Variants in BANK1 observed in about 807,000 individuals in gnomAD.
BANK1 encodes the protein B cell scaffold protein with ankyrin repeats 1, also known as B-cell scaffold protein with ankyrin repeats.
A neutral mutation model predicts 94.5 loss-of-function variants in BANK1; 95 were observed. The observed-to-expected ratio is 1.00, with a 90% confidence interval of 0.85 to 1.19. BANK1 has a LOEUF of 1.19. Ranked by LOEUF, BANK1 falls within the 50% of genes most tolerant of loss-of-function variation. The pLI, the probability that BANK1 is intolerant of heterozygous loss-of-function variation, is 0.00. For synonymous variants in BANK1, 334 were observed against 308.4 expected (o/e 1.08, Z -0.87); for missense variants, 987 against 932.2 (o/e 1.06, Z -0.77).
At chr4:101,936,526 A>G (rs1430352804) in intron 7 of BANK1, among the ~76,000 whole-genome samples, 1 of 150,514 alleles carries the variant, frequency 6.6e-6, no homozygotes, top group East Asian at 2.0e-4. Context: ...TATACTAGAC[A>G]TATAAGATGA....
intron 15 of BANK1, 50 bp from the exon 16 acceptor site, chr4:102,073,634 A>C: frequency 6.5e-7 from 1 of 1,543,694 alleles, no homozygotes; most frequent in Non-Finnish European, 8.9e-7. Flanking sequence ...TCAACCTTAA[A>C]ATAGGGACAA....
intron 7 of BANK1, among the ~76,000 whole-genome samples, chr4:101,980,223 T>TA (rs953189635): frequency 2.6e-5 from 4 of 151,914 alleles, no homozygotes; most frequent in African/African-American, 9.6e-5. Context: ...CAAGAGACTC[T>TA]AAAGAATTCT....
At chr4:102,035,642 C>T (rs1234396021) in intron 10 of BANK1, among the ~76,000 whole-genome samples, 30 of 90,974 alleles carry the variant, frequency 3.3e-4, no homozygotes, top group Admixed American at 1.4e-3. Context: ...AGCGAGACTC[C>T]GTCTCAAAAA....
chr4:101,956,061 T>C (rs1452390681), intron 7 of BANK1, among the ~76,000 whole-genome samples: 6 of 152,220 alleles, frequency 3.9e-5, no homozygotes, highest in Non-Finnish European at 7.3e-5. Flanking sequence ...TATAGATTTT[T>C]TTAGAAAATG....
At chr4:101,825,370 A>G (rs892747470) in intron 1 of BANK1, among the ~76,000 whole-genome samples, 3 of 152,132 alleles carry the variant, frequency 2.0e-5, no homozygotes, top group Admixed American at 6.5e-5. Context: ...TTTATCAAGA[A>G]CTATTTTGGG....
At chr4:101,936,001 G>A (rs987622401) in intron 7 of BANK1, among the ~76,000 whole-genome samples, 9 of 151,286 alleles carry the variant, frequency 5.9e-5, no homozygotes, top group African/African-American at 2.2e-4. Flanking sequence ...ACATTGGTCA[G>A]GGCAAAGATT....
chr4:102,044,394 G>C (rs1560705808), intron 11 of BANK1, among the ~76,000 whole-genome samples: 1 of 152,184 alleles, frequency 6.6e-6, no homozygotes, highest in Non-Finnish European at 1.5e-5. Flanking sequence ...GTATTCCACT[G>C]TGTGTATGTG....
At chr4:102,031,817 T>G (rs575928887) in intron 10 of BANK1, among the ~76,000 whole-genome samples, 125 of 152,336 alleles carry the variant, frequency 8.2e-4, no homozygotes, top group African/African-American at 2.8e-3. Context: ...ATTCTGTTCC[T>G]TAAGCTGCAT....
At chr4:101,824,205 C>T (rs1175084175) in intron 1 of BANK1, among the ~76,000 whole-genome samples, 1 of 152,174 alleles carries the variant, frequency 6.6e-6, no homozygotes, top group Admixed American at 6.5e-5. Context: ...ATCCCTGGAG[C>T]TAATGAGCTG....
At chr4:101,922,350 T>C (rs767119327) in intron 7 of BANK1, among the ~76,000 whole-genome samples, 1 of 151,832 alleles carries the variant, frequency 6.6e-6, no homozygotes, top group Admixed American at 6.6e-5. Flanking sequence ...ATTCAGTATA[T>C]ATCCATGTTA....
intron 3 of BANK1, among the ~76,000 whole-genome samples, chr4:101,860,833 C>T (rs182483196): frequency 4.6e-5 from 7 of 152,142 alleles, no homozygotes; most frequent in African/African-American, 1.4e-4. Flanking sequence ...ATGTGGAAAG[C>T]CATAAGTCAA....
At chr4:101,839,545 C>CT (rs1442806524) in intron 2 of BANK1, among the ~76,000 whole-genome samples, 2 of 152,082 alleles carry the variant, frequency 1.3e-5, no homozygotes. Flanking sequence ...TTCAACATTA[C>CT]TTTTTATTCA....
intron 5 of BANK1, among the ~76,000 whole-genome samples, chr4:101,880,713 G>A (rs566223463): frequency 5.3e-5 from 8 of 152,058 alleles, no homozygotes; most frequent in African/African-American, 1.2e-4. Flanking sequence ...TGATATTGGC[G>A]TTAAAACAGG....
intron 12 of BANK1, chr4:102,062,328 T>C (rs1209828836): frequency 2.0e-5 from 3 of 152,160 alleles, no homozygotes; most frequent in Non-Finnish European, 2.9e-5. Context: ...TCCTCACCCC[T>C]ACTCACAGTC....
intron 6 of BANK1, among the ~76,000 whole-genome samples, chr4:101,907,927 C>T (rs1722514107): frequency 6.6e-6 from 1 of 152,300 alleles, no homozygotes; most frequent in Non-Finnish European, 1.5e-5. Context: ...AAGGGAAGAA[C>T]ATTCCATGCT....
chr4:101,958,872 CTCT>C (rs1724464622), intron 7 of BANK1, among the ~76,000 whole-genome samples: 2 of 152,188 alleles, frequency 1.3e-5, no homozygotes, highest in Admixed American at 6.5e-5. Flanking sequence ...TTTTGGGAAA[CTCT>C]TACACCTCAA....
At chr4:101,942,016 A>G (rs1723766325) in intron 7 of BANK1, among the ~76,000 whole-genome samples, 1 of 151,822 alleles carries the variant, frequency 6.6e-6, no homozygotes, top group South Asian at 2.1e-4. Flanking sequence ...ATTGGACTTC[A>G]TGGAAGAGAG....
intron 7 of BANK1, among the ~76,000 whole-genome samples, chr4:101,995,993 T>G (rs555343640): frequency 6.6e-6 from 1 of 152,330 alleles, no homozygotes; most frequent in African/African-American, 2.4e-5. Flanking sequence ...GCCATTGCTT[T>G]TGGTGTTTTA....
intron 5 of BANK1, among the ~76,000 whole-genome samples, chr4:101,891,986 C>T (rs896809257): frequency 2.6e-5 from 4 of 151,812 alleles, no homozygotes; most frequent in South Asian, 2.1e-4. Context: ...ATTCTAACAT[C>T]TTTGTCCTCT....
Sources: gnomAD v4.1 joint callset for allele counts (sites outside exome capture counted in the v4.1 genomes callset) on GRCh38, gnomAD v4.1.1 for gene constraint, MANE v1.5 for transcripts, NCBI Gene and HGNC (gene_info 2026-07-23, HGNC 2026-07-21) for gene names.